Variants in FAP observed in about 807,000 individuals in gnomAD.
FAP encodes prolyl endopeptidase FAP.
FAP carries 110 observed loss-of-function variants against 126.5 expected under a neutral mutation model. The observed-to-expected ratio is 0.87, with a 90% confidence interval of 0.74 to 1.02. The LOEUF is 1.02. Ranked by LOEUF, FAP falls within the 50% of genes least tolerant of loss-of-function variation. The pLI is 0.00. For synonymous variants in FAP, 334 were observed against 297.3 expected (o/e 1.12, Z -1.27); for missense variants, 919 against 909.2 (o/e 1.01, Z -0.14).
Position 162,213,868 on chromosome 2 carries a change from C to T in FAP, c.1002+70G>A, listed in dbSNP as rs1576175669. On this transcript the variant is annotated intron_variant, in intron 11 of 25. Coordinates refer to ENST00000188790, the MANE Select transcript of FAP (RefSeq NM_004460.5). ...CTGGCTTTACAACATAAAATGTTAG[C>T]TATGGATGAGTCCCCACTATTGTGC... is the stretch of plus-strand genomic sequence containing the variant. 2.0e-6 allele frequency: 3 copies of T among 1,469,454 alleles called. No homozygotes were observed. In the East Asian group the frequency reaches 7.0e-5, roughly 34 times the overall value. The allele number at this position is 1,469,454 out of a possible 1,614,324, so 91.0% of individuals were successfully genotyped here.
At chr2:162,221,720 C>G (rs1477735518) in intron 6 of FAP, 1 of 456,624 alleles carries the variant, frequency 2.2e-6, no homozygotes, top group South Asian at 1.5e-5. Context: ...TTTCTGTTTT[C>G]TGAGTCACTA....
At chr2:162,218,749 A>C (rs1308217305) in intron 8 of FAP, among the ~76,000 whole-genome samples, 2 of 152,036 alleles carry the variant, frequency 1.3e-5, no homozygotes, top group Non-Finnish European at 2.9e-5. Flanking sequence ...TTTTGAAAAA[A>C]AAAAATTTCT....
At chr2:162,210,637 T>C (rs1688894191) in intron 11 of FAP, among the ~76,000 whole-genome samples, 1 of 152,160 alleles carries the variant, frequency 6.6e-6, no homozygotes, top group South Asian at 2.1e-4. Flanking sequence ...GGAGAAACTT[T>C]ATGGCACCCT....
intron 16 of FAP, 31 bp downstream of exon 16, chr2:162,198,726 A>T (rs1559772461): frequency 1.2e-6 from 2 of 1,612,610 alleles, no homozygotes; most frequent in Non-Finnish European, 1.7e-6. Flanking sequence ...GCCTGTGGGG[A>T]TGCTGTGCTT....
chr2:162,173,323 T>C, intron 23 of FAP, 102 bp from the exon 24 acceptor site: 2 of 812,180 alleles, frequency 2.5e-6, no homozygotes, highest in Non-Finnish European at 4.3e-6. Flanking sequence ...TGAAATTATG[T>C]ATTGCTTTGC....
chr2:162,223,409 CAAAT>C (rs1163680190), intron 6 of FAP, among the ~76,000 whole-genome samples, 195 bp downstream of exon 6: 1 of 151,898 alleles, frequency 6.6e-6, no homozygotes, highest in Non-Finnish European at 1.5e-5. Context: ...AAATATTAGT[CAAAT>C]AAAGAGGTGG....
intron 2 of FAP, among the ~76,000 whole-genome samples, chr2:162,233,596 T>C (rs1689986094): frequency 6.6e-6 from 1 of 152,176 alleles, no homozygotes; most frequent in Admixed American, 6.5e-5. Flanking sequence ...GCTGCCAGAA[T>C]TCTTTGTATA....
At chr2:162,198,211 C>T (rs1688336526) in intron 16 of FAP, 2 of 1,289,500 alleles carry the variant, frequency 1.6e-6, no homozygotes, top group South Asian at 2.5e-5. Flanking sequence ...GACAAAGGTT[C>T]ATCTTCTATC....
intron 20 of FAP, among the ~76,000 whole-genome samples, chr2:162,183,867 A>C (rs1687775117): frequency 6.6e-6 from 1 of 152,166 alleles, no homozygotes; most frequent in Non-Finnish European, 1.5e-5. Context: ...GCTGCTTTAA[A>C]TTATATTAAT....
At chr2:162,197,870 C>G (rs1159246080) in intron 16 of FAP, 2 of 336,214 alleles carry the variant, frequency 5.9e-6, no homozygotes, top group Non-Finnish European at 5.8e-6. Context: ...TACTCTAACT[C>G]TCAGCCCCAA....
At chr2:162,208,649 AT>A (rs565969923) in intron 12 of FAP, among the ~76,000 whole-genome samples, 174 of 151,992 alleles carry the variant, frequency 1.1e-3, no homozygotes, top group African/African-American at 3.8e-3. Context: ...GAATTGGTAG[AT>A]TTTTTTTCCT....
intron 11 of FAP, among the ~76,000 whole-genome samples, chr2:162,211,212 T>C (rs1205724381): frequency 6.6e-6 from 1 of 152,188 alleles, no homozygotes; most frequent in African/African-American, 2.4e-5. Flanking sequence ...ATGCTCAGGT[T>C]TGACCAACTT....
chr2:162,218,022 T>G lies in FAP; in HGVS notation c.726A>C (p.Glu242Asp), dbSNP rs1689220406. The change falls in exon 9 of 26, where the codon GAA becomes GAC. Residue 242 changes from glutamate to aspartate, a missense_variant. Glu to Asp is a conservative substitution (Grantham distance 45, BLOSUM62 2). Coordinates refer to ENST00000188790, the MANE Select transcript of FAP (RefSeq NM_004460.5). ...GAATATTTATTGTTCTAGGATATTG[T>G]TCATCGCCATAATAGGAATAGGCAA... ...PVIAYSYYGD[E>D]QYPRTINIPY... The G allele has an allele frequency of 6.2e-7, 1 of 1,602,706 alleles. No individual in the cohort carries two copies. Among genetic ancestry groups the G allele is most frequent in the Non-Finnish European group, 8.5e-7 (1 of 1,174,738 alleles).
chr2:162,180,808 T>C (rs919003289), intron 21 of FAP, among the ~76,000 whole-genome samples: 2 of 152,070 alleles, frequency 1.3e-5, no homozygotes, highest in African/African-American at 4.8e-5. Flanking sequence ...GTGAGACATG[T>C]GGGAGAGATG....
chr2:162,191,099 C>A (rs1055671507), intron 17 of FAP, among the ~76,000 whole-genome samples: 1 of 152,008 alleles, frequency 6.6e-6, no homozygotes, highest in Non-Finnish European at 1.5e-5. Flanking sequence ...GAGCTGCCAT[C>A]GATAAAGAGA....
chr2:162,239,513 AG>A (rs1487863258), intron 2 of FAP, among the ~76,000 whole-genome samples: 1 of 151,894 alleles, frequency 6.6e-6, no homozygotes, highest in Non-Finnish European at 1.5e-5. Context: ...AAAAAAAAAA[AG>A]TTGGGGATAG....
At chr2:162,237,006 G>C (rs993284891) in intron 2 of FAP, among the ~76,000 whole-genome samples, 3 of 151,898 alleles carry the variant, frequency 2.0e-5, no homozygotes, top group African/African-American at 4.8e-5. Context: ...TTTTAATTTT[G>C]ATACTAAATA....
chr2:162,226,716 T>C, intron 2 of FAP, 95 bp from the exon 3 acceptor site: 1 of 651,304 alleles, frequency 1.5e-6, no homozygotes, highest in Non-Finnish European at 2.7e-6. Flanking sequence ...TCTTATATAG[T>C]AATAAGATCT....
rs779587249 is a variant in FAP at position 162,173,714 on chromosome 2, A to AAC, written c.2034+7_2034+8dup. On this transcript the variant is annotated intron_variant, in intron 23 of 25. Transcript: ENST00000188790. ...TAATTATTAACCTAAATAAAATGGA[A>AAC]ACACTTACCTTATAGTGCTCAAGAT... is the stretch of plus-strand genomic sequence containing the variant. The AAC allele has an allele frequency of 3.2e-6, 5 of 1,565,374 alleles. No homozygotes were observed. The Admixed American group carries it at 8.4e-5, about 26-fold the overall frequency.
Sources: gnomAD v4.1 joint callset for allele counts (sites outside exome capture counted in the v4.1 genomes callset) on GRCh38, gnomAD v4.1.1 for gene constraint, MANE v1.5 for transcripts, NCBI Gene and HGNC (gene_info 2026-07-23, HGNC 2026-07-21) for gene names.